BCAR1: variants seen among roughly 807,000 people sequenced by gnomAD.
BCAR1 encodes breast cancer anti-estrogen resistance protein 1.
In BCAR1, 30 loss-of-function variants were observed where a neutral mutation model predicts 67.6. That is an observed-to-expected ratio of 0.44 (90% confidence interval 0.33 to 0.60). BCAR1 has a LOEUF of 0.60. Ranked by LOEUF, BCAR1 falls within the 20% of genes least tolerant of loss-of-function variation. BCAR1 has a pLI of 0.02. For missense variants in BCAR1, 1,313 were observed against 1,222.3 expected (o/e 1.07, Z -1.11); for synonymous variants, 626 against 556.7 (o/e 1.12, Z -1.75).
rs552353230 is a variant in BCAR1, at chr16:75,239,459, G to A, written c.634-2115C>T. 5.6e-4 allele frequency among the ~76,000 whole-genome samples: 86 copies of A among 152,276 alleles called. 1 individual carries two copies. Among genetic ancestry groups the A allele is most frequent in the South Asian group, 1.5e-3 (7 of 4,824 alleles). Reference sequence around the variant, plus strand: ...TCAGGCATCAAGCGGGGGGACAAGCGAACTCAGGAATACATCCCAGCCTCC... The same window carrying A: ...TCAGGCATCAAGCGGGGGGACAAGCAAACTCAGGAATACATCCCAGCCTCC... On this transcript the variant is annotated intron_variant, in intron 2 of 6. Coordinates refer to ENST00000162330, the MANE Select transcript of BCAR1 (RefSeq NM_014567.5).
chr16:75,245,595 G>T (rs2077489145), intron 1 of BCAR1, among the ~76,000 whole-genome samples: 1 of 152,256 alleles, frequency 6.6e-6, no homozygotes, highest in Non-Finnish European at 1.5e-5. Context: ...TGCCAGGCAT[G>T]AGCTCACTGA....
chr16:75,250,716 C>T, intron 1 of BCAR1: 1 of 985,536 alleles, frequency 1.0e-6, no homozygotes, highest in Non-Finnish European at 1.2e-6. Flanking sequence ...GAGCTCCGAC[C>T]CTGCTCTAGC....
chr16:75,244,560 G>A (rs878919121), intron 1 of BCAR1, among the ~76,000 whole-genome samples: 1 of 152,254 alleles, frequency 6.6e-6, no homozygotes, highest in Non-Finnish European at 1.5e-5. Flanking sequence ...AGTTGCCCCA[G>A]GTCCCAGGAT....
intron 1 of BCAR1, among the ~76,000 whole-genome samples, chr16:75,260,908 T>C (rs535305902): frequency 2.6e-5 from 4 of 152,198 alleles, no homozygotes; most frequent in Non-Finnish European, 4.4e-5. Context: ...CCCCATACAT[T>C]ACATAATTCC....
chr16:75,230,264 A>G (rs1360402614), intron 6 of BCAR1, among the ~76,000 whole-genome samples: 1 of 152,120 alleles, frequency 6.6e-6, no homozygotes. Flanking sequence ...TGCCCTGAAC[A>G]TTTTTGAAAT....
intron 4 of BCAR1, chr16:75,236,663 G>C: frequency 1.1e-6 from 1 of 912,534 alleles, no homozygotes; most frequent in South Asian, 2.9e-5. Flanking sequence ...GGAGCTCATG[G>C]AGAAGGCCTC....
At chr16:75,264,622 C>A in intron 1 of BCAR1, 1 of 1,268,794 alleles carries the variant, frequency 7.9e-7, no homozygotes, top group South Asian at 3.3e-5. Flanking sequence ...ATTACCACTT[C>A]TGGAGGCGAG....
upstream of BCAR1, chr16:75,256,085 C>T (rs749291934): frequency 6.6e-6 from 1 of 152,406 alleles, no homozygotes; most frequent in Non-Finnish European, 1.5e-5. Flanking sequence ...ACAGCCCACA[C>T]CCCAACACCA....
intron 2 of BCAR1, among the ~76,000 whole-genome samples, chr16:75,241,909 A>G (rs1597220976): frequency 6.6e-6 from 1 of 152,170 alleles, no homozygotes; most frequent in Non-Finnish European, 1.5e-5. Context: ...AGAGCCCAGG[A>G]GGCTCTCAGG....
Position 75,233,912 on chromosome 16 carries a change from G to C in BCAR1, c.2034C>G (p.Thr678=), listed in dbSNP as rs1302450507. The change falls in exon 6 of 7, where the codon ACC becomes ACG. Residue 678 remains threonine, a synonymous_variant. Coordinates refer to ENST00000162330, the MANE Select transcript of BCAR1 (RefSeq NM_014567.5). ...TGCCCTTTTCCAGCAGCTCCTTCTG[G>C]GTCTTCTCAAACTCCTCCTTCCCCT... ...HLQGKEEFEK[T]QKELLEKGSI... 6.2e-7 allele frequency: 1 copy of C among 1,609,696 alleles called. No homozygotes were observed. The highest frequency in any genetic ancestry group is 8.5e-7 in the Non-Finnish European group (1 of 1,178,162).
At chr16:75,238,698 C>T in intron 2 of BCAR1, 5 of 985,646 alleles carry the variant, frequency 5.1e-6, no homozygotes, top group Non-Finnish European at 6.0e-6. Context: ...CCTTCCAGTG[C>T]GTCTGGGAGT....
chr16:75,233,914 T>A lies in BCAR1; in HGVS notation c.2032A>T (p.Thr678Ser), dbSNP rs753540588. The change falls in exon 6 of 7, where the codon ACC becomes TCC. Residue 678 changes from threonine (T) to serine (S), a missense_variant. By Grantham distance (58) the Thr-to-Ser change is moderately conservative. Around this residue, in one of 2 missense-constraint regions of BCAR1, gnomAD observed 1,272 missense variants for 1,137.5 expected, o/e 1.12. Coordinates refer to ENST00000162330, the MANE Select transcript of BCAR1 (RefSeq NM_014567.5). ...CCCTTTTCCAGCAGCTCCTTCTGGG[T>A]CTTCTCAAACTCCTCCTTCCCCTGG... is the stretch of plus-strand genomic sequence containing the variant. ...HLQGKEEFEK[T>S]QKELLEKGSI... The A allele has an allele frequency of 6.2e-7, 1 of 1,609,574 alleles. No individual in the cohort carries two copies. Among genetic ancestry groups the A allele is most frequent in the South Asian group, 1.1e-5 (1 of 89,932 alleles).
At chr16:75,248,291 C>A (rs920128523) in intron 1 of BCAR1, 9 of 1,422,238 alleles carry the variant, frequency 6.3e-6, no homozygotes, top group African/African-American at 2.9e-5. Flanking sequence ...CGCCCCAGCA[C>A]AGAGCCTCGC....
intron 2 of BCAR1, chr16:75,237,561 T>C (rs1184357180): frequency 3.7e-6 from 2 of 546,698 alleles, no homozygotes; most frequent in African/African-American, 2.0e-5. Context: ...TGGGTTTTAT[T>C]CAGAGCTGCC....
At chr16:75,254,424 C>T (rs1007616476), upstream of BCAR1, among the ~76,000 whole-genome samples, 3 of 152,184 alleles carry the variant, frequency 2.0e-5, no homozygotes, top group African/African-American at 7.2e-5. Context: ...AGAAGGGGTG[C>T]AGTAAACATT....
chr16:75,241,630 G>A (rs2077345048), intron 2 of BCAR1, among the ~76,000 whole-genome samples: 1 of 152,234 alleles, frequency 6.6e-6, no homozygotes, highest in African/African-American at 2.4e-5. Context: ...GGTGGCCCAT[G>A]TCCATGGAGT....
chr16:75,267,251 G>C (rs931938010), intron 1 of BCAR1, among the ~76,000 whole-genome samples: 4 of 152,208 alleles, frequency 2.6e-5, no homozygotes, highest in African/African-American at 9.7e-5. Flanking sequence ...TGTTCTGGCA[G>C]TGATGAGGGG....
intron 1 of BCAR1, among the ~76,000 whole-genome samples, chr16:75,243,634 G>A (rs1358064242): frequency 6.6e-6 from 1 of 152,200 alleles, no homozygotes; most frequent in East Asian, 1.9e-4. Flanking sequence ...CTTCCCCAAG[G>A]CTGGGAAAGA....
chr16:75,267,405 T>C (rs542987820), intron 1 of BCAR1, among the ~76,000 whole-genome samples: 4 of 97,078 alleles, frequency 4.1e-5, no homozygotes, highest in Admixed American at 8.9e-5. Flanking sequence ...GGGGGGGGGG[T>C]GGGGGGCCTG....
Sources: allele counts gnomAD v4.1 joint callset (sites outside exome capture counted in the v4.1 genomes callset), GRCh38; gene constraint gnomAD v4.1.1; regional missense constraint gnomAD v4.1.1; transcripts MANE v1.5; gene names NCBI Gene and HGNC (gene_info 2026-07-23, HGNC 2026-07-21).